The following CDH4 variants were observed in gnomAD, a reference collection of about 807,000 sequenced individuals.
CDH4 encodes cadherin 4, also known as cadherin-4.
In CDH4, 33 loss-of-function variants were observed where a neutral mutation model predicts 86.0. The observed-to-expected ratio is 0.38, with a 90% CI of 0.29 to 0.51. The LOEUF (loss-of-function observed/expected upper bound fraction) is 0.51, where lower values mean the gene tolerates loss of function less well. Ranked by LOEUF, CDH4 falls within the 20% of genes least tolerant of loss-of-function variation. CDH4 has a pLI of 0.86. For missense variants in CDH4, 1,114 were observed against 1,307.4 expected (o/e 0.85, Z 2.28); for synonymous variants, 555 against 549.4 (o/e 1.01, Z -0.14).
chr20:61,873,180 G>A (rs1007867015), intron 6 of CDH4, among the ~76,000 whole-genome samples: 3 of 152,216 alleles, frequency 2.0e-5, no homozygotes, highest in African/African-American at 4.8e-5. Flanking sequence ...TCCATCTGAC[G>A]GAGTCCTATA....
At chr20:61,566,794 C>T (rs1185085856) in intron 2 of CDH4, among the ~76,000 whole-genome samples, 5 of 152,198 alleles carry the variant, frequency 3.3e-5, no homozygotes, top group Non-Finnish European at 7.3e-5. Context: ...GTCACCGAGA[C>T]ACTCAACAGC....
At chr20:61,675,705 G>A (rs1176192532) in intron 2 of CDH4, among the ~76,000 whole-genome samples, 1 of 58,570 alleles carries the variant, frequency 1.7e-5, no homozygotes. Context: ...AAGCACTCCC[G>A]TGGAAACAAC....
At chr20:61,591,323 G>A (rs2086518078) in intron 2 of CDH4, among the ~76,000 whole-genome samples, 1 of 152,228 alleles carries the variant, frequency 6.6e-6, no homozygotes, top group Admixed American at 6.5e-5. Flanking sequence ...GTTAACATAA[G>A]TAATGTATTT....
intron 2 of CDH4, among the ~76,000 whole-genome samples, chr20:61,344,790 T>C (rs2084668143): frequency 6.6e-6 from 1 of 152,226 alleles, no homozygotes; most frequent in Admixed American, 6.5e-5. Context: ...CACAAGCTCA[T>C]AGACAATGGC....
Position 61,426,166 on chromosome 20 carries a change from A to G in CDH4, c.169+171229A>G, listed in dbSNP as rs112223764. ...GCCAGAAGAGTATGTGATGTATTCA[A>G]TGGGGGTTTCTAGTTGTTTTGTTTC... is the stretch of plus-strand genomic sequence containing the variant. On this transcript the variant is annotated intron_variant, in intron 2 of 15. Coordinates refer to ENST00000614565, the MANE Select transcript of CDH4 (RefSeq NM_001794.5). Among the ~76,000 whole-genome samples, 431 of 152,354 alleles carry G rather than the reference A, an allele frequency of 2.8e-3. 1 individual carries two copies. Among genetic ancestry groups the G allele is most frequent in the Middle Eastern group, 0.014 (4 of 294 alleles).
At chr20:61,634,896 C>A (rs955443499) in intron 2 of CDH4, among the ~76,000 whole-genome samples, 2 of 152,206 alleles carry the variant, frequency 1.3e-5, no homozygotes, top group Non-Finnish European at 2.9e-5. Flanking sequence ...ATAAATGGAA[C>A]CTTATAATAA....
intron 2 of CDH4, among the ~76,000 whole-genome samples, chr20:61,675,812 A>C (rs113413412): frequency 1.3e-5 from 2 of 150,012 alleles, no homozygotes; most frequent in African/African-American, 4.9e-5. Context: ...ACTCCCGTGG[A>C]AACAACCATC....
chr20:61,452,416 G>A (rs921682416), intron 2 of CDH4, among the ~76,000 whole-genome samples: 1 of 152,142 alleles, frequency 6.6e-6, no homozygotes, highest in South Asian at 2.1e-4. Flanking sequence ...GCTAATCCTA[G>A]TGGGAATTTA....
chr20:61,451,643 G>T (rs996458489), intron 2 of CDH4, among the ~76,000 whole-genome samples: 20 of 152,014 alleles, frequency 1.3e-4, no homozygotes, highest in African/African-American at 4.8e-4. Flanking sequence ...GAGAGCTGGG[G>T]TCGCCAAGGA....
chr20:61,253,906 C>T (rs1356391495), intron 1 of CDH4, among the ~76,000 whole-genome samples: 1 of 152,314 alleles, frequency 6.6e-6, no homozygotes, highest in East Asian at 1.9e-4. Flanking sequence ...CTGCGCTCGC[C>T]GGGGAGCCAA....
intron 2 of CDH4, among the ~76,000 whole-genome samples, chr20:61,620,699 C>A (rs1038073603): frequency 5.9e-5 from 9 of 152,150 alleles, no homozygotes; most frequent in Admixed American, 5.2e-4. Context: ...TAATTGAAAC[C>A]AACATCTTTC....
intron 2 of CDH4, among the ~76,000 whole-genome samples, chr20:61,658,399 T>C (rs1216742452): frequency 1.3e-5 from 2 of 152,190 alleles, no homozygotes; most frequent in Non-Finnish European, 2.9e-5. Flanking sequence ...CTGCAATCCC[T>C]GAGTCATTGT....
intron 4 of CDH4, among the ~76,000 whole-genome samples, chr20:61,827,399 C>G (rs996106637): frequency 6.6e-6 from 1 of 152,026 alleles, no homozygotes; most frequent in African/African-American, 2.4e-5. Flanking sequence ...ATTGGTATTG[C>G]TATTTTGAGA....
At chr20:61,654,121 C>G (rs1422553305) in intron 2 of CDH4, among the ~76,000 whole-genome samples, 23 of 152,148 alleles carry the variant, frequency 1.5e-4, no homozygotes, top group African/African-American at 5.5e-4. Flanking sequence ...CCACTGCACT[C>G]CAGCCTGGGC....
intron 2 of CDH4, among the ~76,000 whole-genome samples, chr20:61,343,185 T>C (rs2084658143): frequency 6.6e-6 from 1 of 152,234 alleles, no homozygotes; most frequent in Non-Finnish European, 1.5e-5. Context: ...CTGATCCCCC[T>C]TTTGGAATAT....
intron 7 of CDH4, among the ~76,000 whole-genome samples, chr20:61,875,512 G>T (rs1983984880): frequency 6.6e-6 from 1 of 152,248 alleles, no homozygotes; most frequent in Non-Finnish European, 1.5e-5. Flanking sequence ...GATCAGAGAT[G>T]GAGTCGTGTG....
chr20:61,715,256 T>C (rs1330497174), intron 2 of CDH4, among the ~76,000 whole-genome samples: 1 of 152,256 alleles, frequency 6.6e-6, no homozygotes, highest in Non-Finnish European at 1.5e-5. Context: ...GATGGGATTG[T>C]TCCTTTTTTT....
intron 5 of CDH4, among the ~76,000 whole-genome samples, chr20:61,849,052 C>T (rs1056211133): frequency 7.9e-5 from 12 of 152,168 alleles, no homozygotes; most frequent in African/African-American, 2.9e-4. Flanking sequence ...CCAGCCTTCT[C>T]ACCCCTTCAG....
At chr20:61,606,593 A>AC (rs1202971569) in intron 2 of CDH4, among the ~76,000 whole-genome samples, 5 of 152,120 alleles carry the variant, frequency 3.3e-5, no homozygotes, top group Admixed American at 2.6e-4. Flanking sequence ...AAGGGGCCAG[A>AC]CCCCCAGGAA....
Sources: gnomAD v4.1 joint callset for allele counts (sites outside exome capture counted in the v4.1 genomes callset) on GRCh38, gnomAD v4.1.1 for gene constraint, MANE v1.5 for transcripts, NCBI Gene and HGNC (gene_info 2026-07-23, HGNC 2026-07-21) for gene names.